Variants in LRRC71 observed in about 807,000 individuals in gnomAD.
The protein encoded by LRRC71 is leucine rich repeat containing 71, also known as leucine-rich repeat-containing protein 71.
In LRRC71, 54 loss-of-function variants were observed where a neutral mutation model predicts 66.6. The ratio of observed to expected loss-of-function variants is 0.81; its 90% CI spans 0.65 to 1.02. The LOEUF (loss-of-function observed/expected upper bound fraction) is 1.02, where lower values mean the gene tolerates loss of function less well. Ranked by LOEUF, LRRC71 falls within the 50% of genes least tolerant of loss-of-function variation. LRRC71 has a pLI of 0.00. For missense variants in LRRC71, 724 were observed against 718.0 expected (o/e 1.01, Z -0.10); for synonymous variants, 323 against 303.9 (o/e 1.06, Z -0.65).
chr1:156,932,306 T>A, intron 13 of LRRC71, 118 bp from the exon 14 acceptor site: 1 of 808,022 alleles, frequency 1.2e-6, no homozygotes, highest in Admixed American at 2.1e-5. Context: ...AAGGTGTGCC[T>A]GGGCCAGTGA....
downstream of LRRC71, chr1:156,935,707 G>T: frequency 2.4e-6 from 1 of 410,488 alleles, no homozygotes; most frequent in Non-Finnish European, 4.4e-6. Context: ...ACACATATGT[G>T]GGGTGAGGGC....
At position 156,932,927 on chromosome 1, in the gene LRRC71, G is replaced by A; in HGVS notation, c.1638G>A (p.Lys546=). 6.3e-7 allele frequency: 1 copy of A among 1,599,916 alleles called. No individual in the cohort carries two copies. Among genetic ancestry groups the A allele is most frequent in the Non-Finnish European group, 8.5e-7 (1 of 1,173,112 alleles). ...QELMLPRDPI[K]AKLREDEAMA... is the part of the protein sequence containing the mutation. ...TGATGTTGCCAAGGGATCCCATCAA[G>A]GCCAAACTCAGGGAGGATGAGGCCA... Residue 546 remains lysine, a synonymous_variant, in exon 15 of 15, where the codon AAG becomes AAA. Coordinates refer to ENST00000337428, the MANE Select transcript of LRRC71 (RefSeq NM_144702.3).
At chr1:156,928,391 TCTTCTTCTTC>T (rs1198048396) in intron 9 of LRRC71, among the ~76,000 whole-genome samples, 2 of 138,994 alleles carry the variant, frequency 1.4e-5, no homozygotes, top group Non-Finnish European at 3.0e-5. Context: ...TTCTTCTTCT[TCTTCTTCTTC>T]TTCTTCCTCT....
the LRRC71 span, among the ~76,000 whole-genome samples, chr1:156,940,621 T>C: frequency 6.6e-6 from 1 of 152,196 alleles, no homozygotes; most frequent in Non-Finnish European, 1.5e-5. Context: ...TCCCTGCCTA[T>C]GTTGAGCTTA....
At chr1:156,927,457 CT>C in intron 6 of LRRC71, 38 bp from the exon 7 acceptor site, 1 of 1,521,620 alleles carries the variant, frequency 6.6e-7, no homozygotes. Context: ...CGCCCTGTAC[CT>C]TTTCCAGCGA....
the LRRC71 span, chr1:156,940,313 T>C: frequency 1.9e-6 from 3 of 1,613,832 alleles, no homozygotes; most frequent in Non-Finnish European, 2.5e-6. Flanking sequence ...CATCCAGGGA[T>C]GTGGAAGGGC....
chr1:156,940,852 G>A, the LRRC71 span, among the ~76,000 whole-genome samples: 1 of 152,146 alleles, frequency 6.6e-6, no homozygotes, highest in Non-Finnish European at 1.5e-5. Context: ...TAAGCAGAAG[G>A]AAACAACAGG....
chr1:156,935,218 AC>A (rs1343233848), downstream of LRRC71: 1 of 152,112 alleles, frequency 6.6e-6, no homozygotes, highest in Non-Finnish European at 1.5e-5. Context: ...GGGGTAAGAA[AC>A]CCCCATGATC....
the LRRC71 span, chr1:156,938,652 T>A: frequency 1.5e-6 from 1 of 674,134 alleles, no homozygotes; most frequent in Non-Finnish European, 2.5e-6. Flanking sequence ...GAACACAAGA[T>A]CATACACGAT....
At position 156,927,587 on chromosome 1, in the gene LRRC71, C is replaced by T. The variant is rs528093352; in HGVS notation, c.754C>T (p.Arg252Trp). Residue 252 changes from arginine to tryptophan, a missense_variant, in exon 7 of 15, where the codon CGG becomes TGG. Coordinates refer to ENST00000337428, the MANE Select transcript of LRRC71 (RefSeq NM_144702.3). ...QALSTLHSCNRTLVSLNLGFN... is the reference protein window; with the variant it reads ...QALSTLHSCNWTLVSLNLGFN... ...GCTGTCCACGCTGCACAGCTGCAAC[C>T]GGACCCTCGTCTCGCTCAACCTGGG... 2 of 1,598,374 alleles carry T rather than the reference C, an allele frequency of 1.3e-6. No homozygotes were observed. The highest frequency in any genetic ancestry group is 2.7e-5 in the African/African-American group (2 of 74,840).
chr1:156,936,498 A>AT (rs1655308812), downstream of LRRC71, among the ~76,000 whole-genome samples: 2 of 35,430 alleles, frequency 5.6e-5, no homozygotes, highest in African/African-American at 2.6e-4. Context: ...AAAAAAAAAA[A>AT]TATATATATA....
At chr1:156,934,483 A>T (rs1463660603), downstream of LRRC71, among the ~76,000 whole-genome samples, 1 of 152,046 alleles carries the variant, frequency 6.6e-6, no homozygotes, top group East Asian at 1.9e-4. Context: ...AGCTCATGAG[A>T]CCTCTTGACT....
At position 156,924,651 on chromosome 1, in the gene LRRC71, G is replaced by A; in HGVS notation, c.448G>A (p.Val150Ile). ...VKEIYIRGWKVEERILGVFSK... is the reference protein window; with the variant it reads ...VKEIYIRGWKIEERILGVFSK... ...CTCCTCTTGGCCCGCAGGTTGGAAG[G>A]TTGAGGAACGGATTCTGGGTGTCTT... Residue 150 changes from valine (V) to isoleucine (I), a missense_variant, in exon 4 of 15, where the codon GTT (valine) becomes ATT (isoleucine). Physicochemically the swap from Val to Ile is conservative, Grantham distance 29. Transcript: ENST00000337428. The A allele has an allele frequency of 1.3e-6, 2 of 1,551,744 alleles. No individual in the cohort carries two copies. The highest frequency in any genetic ancestry group is 8.7e-7 in the Non-Finnish European group (1 of 1,146,996).
chr1:156,939,656 G>C, the LRRC71 span: 5 of 1,613,796 alleles, frequency 3.1e-6, no homozygotes, highest in Admixed American at 1.7e-5. Flanking sequence ...CTGGTCCTTG[G>C]GGGTAGGTGT....
rs1553189707 is a variant in LRRC71 at position 156,930,064 on chromosome 1, C to CTTTCTTTCTTTCTT, written c.1240+338_1240+351dup. 6.1e-4 allele frequency among the ~76,000 whole-genome samples: 58 copies of CTTTCTTTCTTTCTT among 95,576 alleles called. 1 individual carries two copies. The highest frequency in any genetic ancestry group is 4.3e-3 in the East Asian group (11 of 2,530). The allele number at this position is 95,576 out of a possible 152,430, so 62.7% of individuals were successfully genotyped here. ...TCTTTCTCTTTCTTTCTTTCTTTTT[C>CTTTCTTTCTTTCTT]TTTCTTTCTTTCTTTTCTTTCTTTC... On this transcript the variant is annotated intron_variant, in intron 11 of 14. Transcript: ENST00000337428.
chr1:156,921,649 C>A (rs1310706384), intron 1 of LRRC71: 1 of 984,114 alleles, frequency 1.0e-6, no homozygotes, highest in Non-Finnish European at 1.2e-6. Flanking sequence ...GAAACAACAT[C>A]TTCTGGAAGG....
intron 1 of LRRC71, among the ~76,000 whole-genome samples, chr1:156,923,067 TC>T (rs2101593390): frequency 6.6e-6 from 1 of 152,292 alleles, no homozygotes; most frequent in South Asian, 2.1e-4. Flanking sequence ...CTCATGCCTT[TC>T]CCCATGAACC....
the LRRC71 span, chr1:156,939,500 C>T: frequency 6.2e-7 from 1 of 1,601,626 alleles, no homozygotes; most frequent in Non-Finnish European, 8.5e-7. Flanking sequence ...ACTTATCTCA[C>T]CTAGCAAGGG....
At chr1:156,921,610 G>C (rs1252371475) in intron 1 of LRRC71, 34 of 985,038 alleles carry the variant, frequency 3.5e-5, no homozygotes, top group Non-Finnish European at 4.0e-5. Context: ...AGTGCTGGTG[G>C]ATGGGGAGAA....
Sources: gnomAD v4.1 joint callset for allele counts (sites outside exome capture counted in the v4.1 genomes callset) on GRCh38, gnomAD v4.1.1 for gene constraint, MANE v1.5 for transcripts, NCBI Gene and HGNC (gene_info 2026-07-23, HGNC 2026-07-21) for gene names.